Variants in EIF4G3 observed in about 807,000 individuals in gnomAD.
EIF4G3 encodes the protein eukaryotic translation initiation factor 4 gamma 3.
In EIF4G3, 34 loss-of-function variants were observed where a neutral mutation model predicts 186.4. That is an observed-to-expected ratio of 0.18 (90% CI 0.14 to 0.24). The LOEUF is 0.24. EIF4G3 is among the 10% of genes least tolerant of loss of function. The pLI, the probability that EIF4G3 is intolerant of heterozygous loss-of-function variation, is 1.00. For synonymous variants in EIF4G3, 673 were observed against 679.5 expected (o/e 0.99, Z 0.15); for missense variants, 1,536 against 1,948.5 (o/e 0.79, Z 3.99).
At position 20,941,729 on chromosome 1, in the gene EIF4G3, TGGA is replaced by T. The variant is rs1412801738; in HGVS notation, c.1422_1424del (p.Pro475del). On this transcript the variant is annotated inframe_deletion, in exon 14 of 37. Transcript: ENST00000602326. ...TGTGAGGAGGAGAAGCTGGAGGAGT[TGGA>T]GGAGTTGGAGGAAAGGAAGGAACTG... is the stretch of plus-strand genomic sequence containing the variant. 6.2e-7 allele frequency: 1 copy of T among 1,610,370 alleles called. No individual in the cohort carries two copies. The highest frequency in any genetic ancestry group is 8.5e-7 in the Non-Finnish European group (1 of 1,178,182).
intron 4 of EIF4G3, among the ~76,000 whole-genome samples, chr1:21,020,251 G>A (rs1280418687): frequency 6.6e-6 from 1 of 152,196 alleles, no homozygotes; most frequent in African/African-American, 2.4e-5. Flanking sequence ...ACTTTGGGAG[G>A]CGGAGGTGAG....
chr1:20,900,512 TAAAAAAAAAAAAAGAGAGAGAGA>T (rs2089928086), intron 15 of EIF4G3, among the ~76,000 whole-genome samples: 1 of 122,932 alleles, frequency 8.1e-6, no homozygotes, highest in Non-Finnish European at 1.7e-5. Flanking sequence ...ATCTTGTATA[TAAAAAAAAAAAAAGAGAGAGAGA>T]GAAAAAAAAA....
intron 7 of EIF4G3, among the ~76,000 whole-genome samples, chr1:20,988,867 C>A (rs1355576121): frequency 6.6e-6 from 1 of 151,238 alleles, no homozygotes; most frequent in Non-Finnish European, 1.5e-5. Context: ...GGGCAAACTA[C>A]ATAAAAAACT....
At chr1:20,893,761 C>T (rs770491863) in intron 17 of EIF4G3, 125 bp from the exon 18 acceptor site, 83 of 1,092,840 alleles carry the variant, frequency 7.6e-5, no homozygotes, top group Non-Finnish European at 1.0e-4. Context: ...TTGGAACCCG[C>T]AGAAGTCCAA....
chr1:21,030,619 A>G (rs1249291130), intron 4 of EIF4G3, among the ~76,000 whole-genome samples: 7 of 152,258 alleles, frequency 4.6e-5, no homozygotes. Flanking sequence ...CAGTGCTCGT[A>G]ACAAAAATAT....
At chr1:21,018,970 A>G (rs2089997537) in intron 4 of EIF4G3, among the ~76,000 whole-genome samples, 1 of 151,298 alleles carries the variant, frequency 6.6e-6, no homozygotes, top group African/African-American at 2.4e-5. Flanking sequence ...GTATTCCTTT[A>G]TAGCAAATGA....
chr1:20,887,606 C>CT (rs2084625676), intron 18 of EIF4G3, among the ~76,000 whole-genome samples: 1 of 150,750 alleles, frequency 6.6e-6, no homozygotes, highest in African/African-American at 2.4e-5. Flanking sequence ...ATGCATCCAG[C>CT]TAAGGATACA....
intron 30 of EIF4G3, among the ~76,000 whole-genome samples, chr1:20,834,410 C>G (rs2066157386): frequency 6.6e-6 from 1 of 152,034 alleles, no homozygotes; most frequent in South Asian, 2.1e-4. Flanking sequence ...TGCACTCCAG[C>G]CTGGGTGAGA....
intron 4 of EIF4G3, among the ~76,000 whole-genome samples, chr1:21,012,556 C>T (rs1241356792): frequency 1.3e-5 from 2 of 152,090 alleles, no homozygotes; most frequent in African/African-American, 4.8e-5. Flanking sequence ...AACAACATAC[C>T]GACCAAAGTA....
intron 2 of EIF4G3, among the ~76,000 whole-genome samples, chr1:21,091,807 A>G (rs1572407503): frequency 6.6e-6 from 1 of 152,110 alleles, no homozygotes; most frequent in Non-Finnish European, 1.5e-5. Flanking sequence ...TGTCATTGGT[A>G]TATAAGAATG....
intron 8 of EIF4G3, among the ~76,000 whole-genome samples, chr1:20,981,654 TAC>T (rs1398392110): frequency 8.4e-5 from 11 of 130,984 alleles, no homozygotes; most frequent in South Asian, 5.5e-4. Context: ...TATGTATACA[TAC>T]ATGTATACGC....
chr1:20,841,299 T>A (rs1017201874), intron 29 of EIF4G3: 55 of 236,342 alleles, frequency 2.3e-4, no homozygotes, highest in Admixed American at 1.1e-3. Context: ...ACCAGAGAAC[T>A]GTTTTTATAA....
At chr1:21,069,404 C>T (rs2095372038) in intron 3 of EIF4G3, among the ~76,000 whole-genome samples, 1 of 152,174 alleles carries the variant, frequency 6.6e-6, no homozygotes, top group Non-Finnish European at 1.5e-5. Flanking sequence ...GTACTTAAAA[C>T]AACGTATCAC....
In EIF4G3 at chr1:20,895,449, A is replaced by G. The variant is rs1246393707; in HGVS notation, c.2052T>C (p.Phe684=). The G allele has an allele frequency of 6.2e-7, 1 of 1,614,076 alleles. No homozygotes were observed. The highest frequency in any genetic ancestry group is 8.5e-7 in the Non-Finnish European group (1 of 1,179,944). Reference sequence around the variant, plus strand: ...CAGGCATGAACTGGAAGTCCAGCAGAAACTCCCTGTCATACTGCTTCTTAC... The same window carrying G: ...CAGGCATGAACTGGAAGTCCAGCAGGAACTCCCTGTCATACTGCTTCTTAC... ...TEGKKQYDRE[F]LLDFQFMPAC... Residue 684 remains phenylalanine, a synonymous_variant, in exon 17 of 37, where the codon TTT becomes TTC. Coordinates refer to ENST00000602326, the MANE Select transcript of EIF4G3 (RefSeq NM_001391906.1).
At chr1:20,989,048 GAGAGGAGA>G in intron 7 of EIF4G3, among the ~76,000 whole-genome samples, 1 of 72,684 alleles carries the variant, frequency 1.4e-5, no homozygotes, top group Admixed American at 1.3e-4. Context: ...AAAAAGAGAG[GAGAGGAGA>G]GGAGGGGAGG....
intron 3 of EIF4G3, among the ~76,000 whole-genome samples, chr1:21,072,334 C>T (rs34292017): frequency 0.027 from 4,179 of 152,224 alleles, 89 homozygotes; most frequent in Non-Finnish European, 0.038. Flanking sequence ...AGGAGTTTGA[C>T]GCCAGTGTGG....
At chr1:21,052,709 T>G (rs1398947860) in intron 3 of EIF4G3, among the ~76,000 whole-genome samples, 1 of 152,162 alleles carries the variant, frequency 6.6e-6, no homozygotes, top group Admixed American at 6.5e-5. Context: ...GCCTGCCGAG[T>G]GCCTGCGATT....
intron 1 of EIF4G3, among the ~76,000 whole-genome samples, 181 bp downstream of exon 1, chr1:21,176,541 G>A (rs2098112908): frequency 7.2e-6 from 1 of 138,748 alleles, no homozygotes; most frequent in Non-Finnish European, 1.6e-5. Context: ...GAGGAGGAGG[G>A]GGCCGGGGCC....
At chr1:20,955,671 G>C (rs2096392223) in intron 12 of EIF4G3, among the ~76,000 whole-genome samples, 1 of 152,156 alleles carries the variant, frequency 6.6e-6, no homozygotes, top group South Asian at 2.1e-4. Context: ...ATGGGGGGCA[G>C]TTACTTAATT....
Sources: allele counts gnomAD v4.1 joint callset (sites outside exome capture counted in the v4.1 genomes callset), GRCh38; gene constraint gnomAD v4.1.1; transcripts MANE v1.5; gene names NCBI Gene and HGNC (gene_info 2026-07-23, HGNC 2026-07-21).